PXDNL: variants seen among roughly 807,000 people sequenced by gnomAD.
PXDNL encodes peroxidasin like, also known as probable oxidoreductase PXDNL.
A neutral mutation model predicts 150.8 loss-of-function variants in PXDNL; 145 were observed. That is an observed-to-expected ratio of 0.96 (90% CI 0.84 to 1.10). The LOEUF (loss-of-function observed/expected upper bound fraction) is 1.10. PXDNL is among the 50% of genes least tolerant of loss of function. PXDNL has a pLI of 0.00. For synonymous variants in PXDNL, 757 were observed against 725.7 expected (o/e 1.04, Z -0.69); for missense variants, 2,087 against 1,873.9 (o/e 1.11, Z -2.10).
intron 17 of PXDNL, among the ~76,000 whole-genome samples, chr8:51,396,542 A>C (rs1808087731): frequency 6.6e-6 from 1 of 152,180 alleles, no homozygotes; most frequent in Non-Finnish European, 1.5e-5. Context: ...GGATCACCTG[A>C]GGTCGGGAGT....
intron 3 of PXDNL, among the ~76,000 whole-genome samples, chr8:51,565,686 G>C (rs898425316): frequency 2.0e-5 from 3 of 151,754 alleles, no homozygotes; most frequent in African/African-American, 7.3e-5. Flanking sequence ...TTTGTCTCAT[G>C]CAAAAAATTA....
chr8:51,458,831 C>T (rs2130007250), intron 8 of PXDNL, among the ~76,000 whole-genome samples: 1 of 152,226 alleles, frequency 6.6e-6, no homozygotes, highest in South Asian at 2.1e-4. Context: ...AAGAAAGAAA[C>T]AGACAATGGC....
intron 17 of PXDNL, among the ~76,000 whole-genome samples, chr8:51,379,801 C>A (rs1052723091): frequency 6.6e-6 from 1 of 151,862 alleles, no homozygotes; most frequent in Admixed American, 6.6e-5. Context: ...AGATTTAATT[C>A]CTATATCTAT....
In PXDNL at chr8:51,659,297, A is replaced by C. The variant is rs1815219523; in HGVS notation, c.165-4537T>G. Among the ~76,000 whole-genome samples the C allele has an allele frequency of 2.6e-5, 4 of 152,212 alleles. No homozygotes were observed. The South Asian group carries it at 8.3e-4, about 32-fold the overall frequency. On this transcript the variant is annotated intron_variant, in intron 1 of 22. Transcript: ENST00000356297. ...CATTGTACCAAGATAAAAGTTGGGC[A>C]CATGGAATTTGCTGGGAGGGTTAGA...
In PXDNL at chr8:51,563,712, T is replaced by C. The variant is rs112078352; in HGVS notation, c.309-6801A>G. On this transcript the variant is annotated intron_variant, in intron 3 of 22. Transcript: ENST00000356297. ...ATTATTTTTTGCACTACTCAATACATAGACTGATAAATTCACAGTTGATAC... is the reference window on the plus strand; with the variant it reads ...ATTATTTTTTGCACTACTCAATACACAGACTGATAAATTCACAGTTGATAC... 2.0e-3 allele frequency among the ~76,000 whole-genome samples: 302 copies of C among 152,086 alleles called. 1 individual carries two copies. Among genetic ancestry groups the C allele is most frequent in the African/African-American group, 7.0e-3 (289 of 41,536 alleles).
chr8:51,643,690 A>T (rs1814830972), intron 2 of PXDNL, among the ~76,000 whole-genome samples: 1 of 152,238 alleles, frequency 6.6e-6, no homozygotes, highest in Non-Finnish European at 1.5e-5. Context: ...AAAATTGACA[A>T]GTGGGATCTA....
chr8:51,725,310 G>A (rs1816801914), intron 1 of PXDNL, among the ~76,000 whole-genome samples: 1 of 152,176 alleles, frequency 6.6e-6, no homozygotes, highest in South Asian at 2.1e-4. Context: ...GGGCATGTCG[G>A]TGTTTTTGTC....
chr8:51,368,418 G>C (rs116568148), intron 19 of PXDNL, among the ~76,000 whole-genome samples: 1 of 151,996 alleles, frequency 6.6e-6, no homozygotes, highest in Non-Finnish European at 1.5e-5. Flanking sequence ...ATGTGTTTAG[G>C]AATTTAGGAG....
chr8:51,715,637 G>T (rs1354060880), intron 1 of PXDNL, among the ~76,000 whole-genome samples: 2 of 152,110 alleles, frequency 1.3e-5, no homozygotes, highest in African/African-American at 4.8e-5. Context: ...CAAAGCACCT[G>T]CCATATGAGG....
At chr8:51,402,118 A>T (rs1057282367) in intron 17 of PXDNL, among the ~76,000 whole-genome samples, 3 of 152,222 alleles carry the variant, frequency 2.0e-5, no homozygotes, top group African/African-American at 7.2e-5. Context: ...AAGAGGAAAG[A>T]AATTAAGAAT....
intron 1 of PXDNL, among the ~76,000 whole-genome samples, chr8:51,781,894 C>T (rs2037418787): frequency 6.6e-6 from 1 of 152,232 alleles, no homozygotes; most frequent in Non-Finnish European, 1.5e-5. Flanking sequence ...TCACCGCCAG[C>T]TTTGGCCAAG....
chr8:51,458,320 A>T (rs972211080), intron 8 of PXDNL, among the ~76,000 whole-genome samples: 1 of 152,212 alleles, frequency 6.6e-6, no homozygotes, highest in African/African-American at 2.4e-5. Context: ...ATCAATAATC[A>T]TAAGAAAGGG....
intron 5 of PXDNL, among the ~76,000 whole-genome samples, chr8:51,495,602 C>T (rs1033182638): frequency 3.9e-5 from 6 of 152,144 alleles, no homozygotes; most frequent in Admixed American, 1.3e-4. Flanking sequence ...GGGGATATCA[C>T]CACCGATCCC....
intron 2 of PXDNL, among the ~76,000 whole-genome samples, chr8:51,606,085 A>G (rs1813833764): frequency 6.6e-6 from 1 of 151,776 alleles, no homozygotes; most frequent in South Asian, 2.1e-4. Context: ...TTTTAAAAAA[A>G]GAAAAGATGC....
intron 2 of PXDNL, among the ~76,000 whole-genome samples, chr8:51,649,179 TCTTCAGCC>T (rs919162543): frequency 3.9e-5 from 6 of 152,182 alleles, no homozygotes; most frequent in Admixed American, 6.5e-5. Context: ...GGTAACTGTG[TCTTCAGCC>T]CTTCAGACAA....
chr8:51,481,906 C>A (rs1810612626), intron 6 of PXDNL, among the ~76,000 whole-genome samples: 1 of 152,172 alleles, frequency 6.6e-6, no homozygotes, highest in African/African-American at 2.4e-5. Context: ...GGGGTGGGGC[C>A]CTCATGGAGA....
At position 51,809,359 on chromosome 8, in the gene PXDNL, C is replaced by T. The variant is rs1377465865; in HGVS notation, c.-15G>A. 6.6e-7 allele frequency: 1 copy of T among 1,517,222 alleles called. No individual in the cohort carries two copies. The allele number at this position is 1,517,222 out of a possible 1,614,324, so 94.0% of individuals were successfully genotyped here. A position where few individuals can be genotyped will look rare whatever the true frequency, so the allele number is the denominator to read the frequency against. Reference sequence around the variant, plus strand: ...CTGGGCTCCATCGCTCCATTCGCTGCTGGCCACGCGAAGAAGCAGCCGGAG... The same window carrying T: ...CTGGGCTCCATCGCTCCATTCGCTGTTGGCCACGCGAAGAAGCAGCCGGAG... On this transcript the variant is annotated 5_prime_UTR_variant, in exon 1 of 23. Transcript: ENST00000356297.
intron 5 of PXDNL, among the ~76,000 whole-genome samples, chr8:51,488,805 A>G (rs933713204): frequency 3.9e-5 from 6 of 152,232 alleles, no homozygotes; most frequent in Non-Finnish European, 8.8e-5. Flanking sequence ...AATTAGGAAC[A>G]TGAAAAAGAA....
chr8:51,642,756 C>T (rs1814800359), intron 2 of PXDNL, among the ~76,000 whole-genome samples: 1 of 152,192 alleles, frequency 6.6e-6, no homozygotes, highest in African/African-American at 2.4e-5. Context: ...CACATTTTCC[C>T]TGTCTGCAGA....
Sources: allele counts gnomAD v4.1 joint callset (sites outside exome capture counted in the v4.1 genomes callset), GRCh38; gene constraint gnomAD v4.1.1; transcripts MANE v1.5; gene names NCBI Gene and HGNC (gene_info 2026-07-23, HGNC 2026-07-21).